CCSER1: variants seen among roughly 807,000 people sequenced by gnomAD.
The protein encoded by CCSER1 is serine-rich coiled-coil domain-containing protein 1.
CCSER1 carries 41 observed loss-of-function variants against 82.0 expected under a neutral mutation model. The ratio of observed to expected loss-of-function variants is 0.50; its 90% CI spans 0.39 to 0.65. The LOEUF is 0.65. Ranked by LOEUF, CCSER1 falls within the 30% of genes least tolerant of loss-of-function variation. CCSER1 has a pLI of 0.00. For synonymous variants in CCSER1, 414 were observed against 383.9 expected (o/e 1.08, Z -0.92); for missense variants, 1,119 against 1,064.2 (o/e 1.05, Z -0.72).
intron 7 of CCSER1, among the ~76,000 whole-genome samples, chr4:90,809,340 ACG>A (rs796963088): frequency 1.3e-5 from 2 of 148,830 alleles, no homozygotes; most frequent in African/African-American, 2.5e-5. Context: ...ACACACACAC[ACG>A]CACACACACA....
intron 7 of CCSER1, among the ~76,000 whole-genome samples, chr4:90,798,980 T>A (rs980802434): frequency 5.3e-5 from 8 of 152,220 alleles, no homozygotes; most frequent in African/African-American, 1.9e-4. Flanking sequence ...GTCCTCGTTC[T>A]CACGTGCTAG....
At chr4:91,391,606 C>A (rs1560635048) in intron 10 of CCSER1, among the ~76,000 whole-genome samples, 1 of 152,120 alleles carries the variant, frequency 6.6e-6, no homozygotes, top group African/African-American at 2.4e-5. Flanking sequence ...CAGCCTCATC[C>A]ATTTGTTACC....
intron 8 of CCSER1, among the ~76,000 whole-genome samples, chr4:90,917,329 G>T (rs185808862): frequency 6.6e-6 from 1 of 152,284 alleles, no homozygotes; most frequent in East Asian, 1.9e-4. Flanking sequence ...GGAATACTAT[G>T]CAGCCATAAA....
intron 1 of CCSER1, among the ~76,000 whole-genome samples, chr4:90,277,542 A>C (rs569801069): frequency 6.6e-6 from 1 of 152,278 alleles, no homozygotes; most frequent in Admixed American, 6.5e-5. Flanking sequence ...CAACCATCTG[A>C]TCTTAAACAA....
chr4:90,884,054 G>A (rs532830214), intron 8 of CCSER1, among the ~76,000 whole-genome samples: 16 of 152,076 alleles, frequency 1.1e-4, no homozygotes, highest in South Asian at 2.1e-4. Flanking sequence ...AGAGGAGGCT[G>A]ACTGATGAGT....
chr4:90,893,778 T>C (rs28652756), intron 8 of CCSER1, among the ~76,000 whole-genome samples: 4,767 of 120,614 alleles, frequency 0.04, 105 homozygotes, highest in African/African-American at 0.082. Context: ...TGTGTGTGCG[T>C]GTGTGTGTGT....
chr4:91,281,847 C>T (rs564719865), intron 10 of CCSER1, among the ~76,000 whole-genome samples: 1 of 152,102 alleles, frequency 6.6e-6, no homozygotes, highest in African/African-American at 2.4e-5. Context: ...TGTAGTATTC[C>T]TCTTTCCCTA....
chr4:91,352,143 C>A (rs1269110086), intron 10 of CCSER1, among the ~76,000 whole-genome samples: 2 of 152,200 alleles, frequency 1.3e-5, no homozygotes, highest in Admixed American at 1.3e-4. Context: ...AGCTATATAC[C>A]AATTTATATA....
At position 90,309,363 on chromosome 4, in the gene CCSER1, T is replaced by C. The variant is rs746738213; in HGVS notation, c.1079T>C (p.Val360Ala). 7 of 1,613,856 alleles carry C rather than the reference T, an allele frequency of 4.3e-6. No individual in the cohort carries two copies. Among genetic ancestry groups the C allele is most frequent in the Non-Finnish European group, 5.9e-6 (7 of 1,179,822 alleles). Reference sequence around the variant, plus strand: ...ATTGCTGAACTACCTGCTACAAGTGTGAGCCACTCAGAGAGTAACCTACCA... The same window carrying C: ...ATTGCTGAACTACCTGCTACAAGTGCGAGCCACTCAGAGAGTAACCTACCA... ...LQIAELPATS[V>A]SHSESNLPAD... Residue 360 changes from valine (V) to alanine (A), a missense_variant, in exon 2 of 11, where the codon GTG becomes GCG. Physicochemically the swap from Val to Ala is moderately conservative, Grantham distance 64. Coordinates refer to ENST00000509176, the MANE Select transcript of CCSER1 (RefSeq NM_001145065.2).
intron 9 of CCSER1, among the ~76,000 whole-genome samples, chr4:91,079,765 C>T (rs189103218): frequency 8.9e-4 from 136 of 152,026 alleles, no homozygotes; most frequent in African/African-American, 3.3e-3. Flanking sequence ...CAGGGGTTGC[C>T]GTCCTAGTCT....
rs554830991 is a variant in CCSER1, at chr4:91,085,229, A to C, written c.2173-721A>C. Among the ~76,000 whole-genome samples the C allele has an allele frequency of 2.6e-5, 4 of 152,112 alleles. No individual in the cohort carries two copies. The East Asian group carries it at 7.7e-4, about 29-fold the overall frequency. ...TCATCAAAAATAGATAAATACTTTG[A>C]CTTTAATCAAAATTCTTAATGATAG... On this transcript the variant is annotated intron_variant, in intron 9 of 10. Transcript: ENST00000509176.
intron 8 of CCSER1, among the ~76,000 whole-genome samples, chr4:90,904,890 C>T (rs763890785): frequency 6.6e-6 from 1 of 152,004 alleles, no homozygotes; most frequent in Non-Finnish European, 1.5e-5. Context: ...ATTTTCAGTT[C>T]ATCCTGCTTC....
chr4:91,211,036 G>T (rs1736774128), intron 10 of CCSER1, among the ~76,000 whole-genome samples: 1 of 151,922 alleles, frequency 6.6e-6, no homozygotes, highest in Non-Finnish European at 1.5e-5. Context: ...GTTTCAAAAT[G>T]AATAAAAAAC....
At chr4:91,449,226 A>T (rs1578485963) in intron 10 of CCSER1, among the ~76,000 whole-genome samples, 1 of 152,050 alleles carries the variant, frequency 6.6e-6, no homozygotes, top group African/African-American at 2.4e-5. Flanking sequence ...TCACTCCTCT[A>T]TGCTCCTGAA....
chr4:91,363,137 AAAAAC>A (rs1221666465), intron 10 of CCSER1, among the ~76,000 whole-genome samples: 55 of 151,830 alleles, frequency 3.6e-4, no homozygotes, highest in African/African-American at 1.3e-3. Context: ...AACAAAAAAC[AAAAAC>A]AAAACAAACA....
At chr4:90,859,634 A>G (rs1254246908) in intron 8 of CCSER1, among the ~76,000 whole-genome samples, 4 of 151,834 alleles carry the variant, frequency 2.6e-5, no homozygotes, top group Admixed American at 1.3e-4. Context: ...TTTATTTGCA[A>G]CAGTTCTCAG....
intron 4 of CCSER1, among the ~76,000 whole-genome samples, chr4:90,438,782 A>G (rs1488561214): frequency 6.7e-6 from 1 of 149,378 alleles, no homozygotes; most frequent in South Asian, 2.1e-4. Flanking sequence ...TCTTCTATCT[A>G]TCTATCTATC....
Position 90,932,986 on chromosome 4 carries a change from A to AAGAAAGAAAAAGAAAGAAAGAAAG in CCSER1, c.2172+9548_2172+9549insAAGAAAGAAAGAAAGAGAAAGAAA. Among the ~76,000 whole-genome samples, 2 of 29,174 alleles carry AAGAAAGAAAAAGAAAGAAAGAAAG rather than the reference A, an allele frequency of 6.9e-5. 1 individual carries two copies. Among genetic ancestry groups the AAGAAAGAAAAAGAAAGAAAGAAAG allele is most frequent in the Non-Finnish European group, 1.3e-4 (2 of 14,918 alleles). 19.1% of individuals were successfully genotyped at this position (29,174 alleles called of 152,430 possible). ...AGAAAGAAAGAAAGAAAGAAAGAGA[A>AAGAAAGAAAAAGAAAGAAAGAAAG]AGAAAGAAAGAAAGAAAGAAAGAAA... On this transcript the variant is annotated intron_variant, in intron 9 of 10. Transcript: ENST00000509176.
At chr4:90,433,691 A>G (rs536315801) in intron 4 of CCSER1, among the ~76,000 whole-genome samples, 1 of 152,120 alleles carries the variant, frequency 6.6e-6, no homozygotes, top group Non-Finnish European at 1.5e-5. Flanking sequence ...TCAAAAAATA[A>G]AATATAGCAA....
Sources: allele counts gnomAD v4.1 joint callset (sites outside exome capture counted in the v4.1 genomes callset), GRCh38; gene constraint gnomAD v4.1.1; transcripts MANE v1.5; gene names NCBI Gene and HGNC (gene_info 2026-07-23, HGNC 2026-07-21).